The following TRAF7 variants were observed in gnomAD, a reference collection of about 807,000 sequenced individuals.
The protein encoded by TRAF7 is E3 ubiquitin-protein ligase TRAF7.
A neutral mutation model predicts 89.3 loss-of-function variants in TRAF7; 45 were observed. The ratio of observed to expected loss-of-function variants is 0.50; its 90% CI spans 0.40 to 0.65. The LOEUF is 0.65. Among genes scored for constraint, TRAF7 ranks in the 30% least tolerant of loss-of-function variants. TRAF7 has a pLI of 0.00. For missense variants in TRAF7, 677 were observed against 918.1 expected (o/e 0.74, Z 3.39); for synonymous variants, 406 against 369.2 (o/e 1.10, Z -1.14).
intron 15 of TRAF7, 36 bp from the exon 16 acceptor site, chr16:2,175,265 T>C (rs746299820): frequency 6.2e-7 from 1 of 1,611,274 alleles, no homozygotes; most frequent in South Asian, 1.1e-5. Context: ...GTGGCAGGGC[T>C]TGGTGCCCTG....
At position 2,172,619 on chromosome 16, in the gene TRAF7, G is replaced by C; in HGVS notation, c.794+20G>C. ...GTACGGGTGAGTGGGGGGCGGGCGG[G>C]GGTGGGCCGGGGTGGGCGCAGGCCC... On this transcript the variant is annotated intron_variant, in intron 9 of 20. Coordinates refer to ENST00000326181, the MANE Select transcript of TRAF7 (RefSeq NM_032271.3). The C allele has an allele frequency of 7.4e-6, 10 of 1,354,804 alleles. No individual in the cohort carries two copies. Among genetic ancestry groups the C allele is most frequent in the Non-Finnish European group, 1.0e-5 (10 of 975,590 alleles). 83.9% of individuals were successfully genotyped at this position (1,354,804 alleles called of 1,614,324 possible). A position where few individuals can be genotyped will look rare whatever the true frequency, so the allele number is the denominator to read the frequency against.
rs1290697399 is a variant in TRAF7, at chr16:2,173,510, A to G, written c.1042A>G (p.Ser348Gly). 1 of 1,613,394 alleles carries G rather than the reference A, an allele frequency of 6.2e-7. No homozygotes were observed. The highest frequency in any genetic ancestry group is 8.5e-7 in the Non-Finnish European group (1 of 1,179,926). The change falls in exon 11 of 21, where the codon AGC (serine) becomes GGC (glycine). Residue 348 changes from serine (S) to glycine (G), a missense_variant. Ser to Gly is a moderately conservative substitution (Grantham distance 56, BLOSUM62 0). Transcript: ENST00000326181. ...CCTGGACGAAAACCAGAGCAAGCTC[A>G]GCGAGGACCTCATGGAGTTCCGGCG... Reference protein sequence around the residue: ...DVLDENQSKLSEDLMEFRRDA... With the variant: ...DVLDENQSKLGEDLMEFRRDA...
intron 1 of TRAF7, among the ~76,000 whole-genome samples, chr16:2,156,131 C>T (rs991331327): frequency 6.6e-6 from 1 of 152,140 alleles, no homozygotes; most frequent in Non-Finnish European, 1.5e-5. Flanking sequence ...CCCGAGACTC[C>T]CGGGTGCCAG....
At chr16:2,174,882 A>G (rs993384082) in intron 14 of TRAF7, among the ~76,000 whole-genome samples, 1 of 152,178 alleles carries the variant, frequency 6.6e-6, no homozygotes, top group African/African-American at 2.4e-5. Context: ...ATTACCTCCC[A>G]GCTCGCTGTC....
intron 7 of TRAF7, 26 bp downstream of exon 7, chr16:2,171,631 T>C (rs1242208009): frequency 6.2e-7 from 1 of 1,613,074 alleles, no homozygotes; most frequent in Non-Finnish European, 8.5e-7. Context: ...GGCCCAGGCC[T>C]GACGCCGACC....
intron 3 of TRAF7, among the ~76,000 whole-genome samples, chr16:2,167,712 G>C (rs1458697433): frequency 4.6e-5 from 7 of 152,226 alleles, no homozygotes; most frequent in Non-Finnish European, 8.8e-5. Flanking sequence ...GCGGCCTTCA[G>C]AGTGATGGCT....
At position 2,159,845 on chromosome 16, in the gene TRAF7, G is replaced by C. The variant is rs1308215234; in HGVS notation, c.-39+3987G>C. Among the ~76,000 whole-genome samples the C allele has an allele frequency of 6.6e-6, 1 of 152,248 alleles. No homozygotes were observed. Among genetic ancestry groups the C allele is most frequent in the Non-Finnish European group, 1.5e-5 (1 of 68,030 alleles). ...TTTAAGGCCGGGCCTGGCCCGAGCA[G>C]GGAGCTGCATCTGGAAGCCCCCATC... On this transcript the variant is annotated intron_variant, in intron 1 of 20. Coordinates refer to ENST00000326181, the MANE Select transcript of TRAF7 (RefSeq NM_032271.3). The surrounding 1 kb of genome is among the most constrained non-coding windows in gnomAD (Gnocchi z 6.5).
At position 2,159,801 on chromosome 16, in the gene TRAF7, G is replaced by T; in HGVS notation, c.-39+3943G>T. On this transcript the variant is annotated intron_variant, in intron 1 of 20. Transcript: ENST00000326181. This position sits in a 1 kb window ranked among gnomAD's most constrained non-coding sequence, Gnocchi z 6.5. ...GGGACCCCCACACCCCACCTGCTCC[G>T]GGTTGCTGGAGGAGCTGCTTTAAGG... Among the ~76,000 whole-genome samples the T allele has an allele frequency of 6.6e-6, 1 of 152,352 alleles. No individual in the cohort carries two copies. Among genetic ancestry groups the T allele is most frequent in the South Asian group, 2.1e-4 (1 of 4,832 alleles).
rs1188110300 is a variant in TRAF7, at chr16:2,163,966, C to G, written c.46C>G (p.Pro16Ala). 6.2e-7 allele frequency: 1 copy of G among 1,612,688 alleles called. No individual in the cohort carries two copies. Among genetic ancestry groups the G allele is most frequent in the Non-Finnish European group, 8.5e-7 (1 of 1,179,756 alleles). Residue 16 changes from proline to alanine, a missense_variant, in exon 2 of 21, where the codon CCC becomes GCC. Pro to Ala is a conservative substitution (Grantham distance 27). This residue lies in a region of TRAF7 where 240 missense variants were observed against 191.9 expected (regional missense o/e 1.25). Transcript: ENST00000326181. The surrounding 1 kb of genome is among the most constrained non-coding windows in gnomAD (Gnocchi z 4.3). ...SARYNRFSGG[P>A]SNLPTPDVTT... ...CCGCTACAACCGCTTCTCCGGGGGGCCCAGCAATCTTCCCACCCCAGACGT... is the reference window on the plus strand; with the variant it reads ...CCGCTACAACCGCTTCTCCGGGGGGGCCAGCAATCTTCCCACCCCAGACGT...
chr16:2,165,785 C>A (rs959712729), intron 2 of TRAF7, 94 bp from the exon 3 acceptor site: 5 of 1,455,030 alleles, frequency 3.4e-6, no homozygotes, highest in African/African-American at 1.4e-5. Flanking sequence ...CGTGGCCTGG[C>A]CTGGTCGCGT....
At position 2,168,100 on chromosome 16, in the gene TRAF7, C is replaced by G; in HGVS notation, c.163C>G (p.Gln55Glu). The G allele has an allele frequency of 1.9e-6, 3 of 1,612,126 alleles. No individual in the cohort carries two copies. Among genetic ancestry groups the G allele is most frequent in the Non-Finnish European group, 2.5e-6 (3 of 1,179,898 alleles). ...TKADGTSTYKQHCRTPSSSST... is the reference protein window; with the variant it reads ...TKADGTSTYKEHCRTPSSSST... ...AGCTGACGGGACCAGCACCTACAAG[C>G]AGCACTGCAGGACACCCTCCTCCTC... is the stretch of plus-strand genomic sequence containing the variant. The change falls in exon 4 of 21, where the codon CAG (glutamine) becomes GAG (glutamate). Residue 55 changes from glutamine to glutamate, a missense_variant. Coordinates refer to ENST00000326181, the MANE Select transcript of TRAF7 (RefSeq NM_032271.3). The surrounding 1 kb of genome is among the most constrained non-coding windows in gnomAD (Gnocchi z 4.1).
chr16:2,170,410 C>G (rs1041974866), intron 4 of TRAF7, among the ~76,000 whole-genome samples: 1 of 152,240 alleles, frequency 6.6e-6, no homozygotes, highest in African/African-American at 2.4e-5. Flanking sequence ...CGGCCCAGGC[C>G]GCCCAGGCGG....
intron 14 of TRAF7, among the ~76,000 whole-genome samples, chr16:2,174,561 C>CCTCCCAGCAGAACCTTCCAG (rs1234819929): frequency 6.6e-6 from 1 of 152,174 alleles, no homozygotes; most frequent in Non-Finnish European, 1.5e-5. Context: ...GCGCAGCCAG[C>CCTCCCAGCAGAACCTTCCAG]CTCCCAGCAG....
chr16:2,173,859 T>TGGGGGGCCCCCCC, intron 12 of TRAF7, 23 bp downstream of exon 12: 17 of 1,246,152 alleles, frequency 1.4e-5, no homozygotes, highest in Non-Finnish European at 1.8e-5. Context: ...CCGCCGTGGC[T>TGGGGGGCCCCCCC]CCCGCCCACC....
rs1363702063 is a variant in TRAF7, at chr16:2,177,252, C to T, written c.*678C>T. The T allele has an allele frequency of 2.5e-5, 6 of 241,124 alleles. No homozygotes were observed. In the Admixed American group the frequency reaches 3.0e-4, roughly 12 times the overall value. The allele number at this position is 241,124 out of a possible 1,614,324, so 14.9% of individuals were successfully genotyped here. A position where few individuals can be genotyped will look rare whatever the true frequency, so the allele number is the denominator to read the frequency against. On this transcript the variant is annotated 3_prime_UTR_variant, in exon 21 of 21. Transcript: ENST00000326181. ...ACCTCCCCTGCCCACCTGCTGGAGC[C>T]CAGCCTGTGCCGCCCTCTGAGGAGA...
rs1186143091 is a variant in TRAF7 at position 2,168,940 on chromosome 16, G to A, written c.231+772G>A. On this transcript the variant is annotated intron_variant, in intron 4 of 20. Coordinates refer to ENST00000326181, the MANE Select transcript of TRAF7 (RefSeq NM_032271.3). The surrounding 1 kb of genome is among the most constrained non-coding windows in gnomAD (Gnocchi z 4.1). ...TCTCTCCAGTGCTTGGACACCAGGT[G>A]TGGCGGCCCTGCTGGCCCTCTTGGG... is the stretch of plus-strand genomic sequence containing the variant. Among the ~76,000 whole-genome samples, 1 of 152,180 alleles carries A rather than the reference G, an allele frequency of 6.6e-6. No homozygotes were observed. The highest frequency in any genetic ancestry group is 1.5e-5 in the Non-Finnish European group (1 of 68,024).
chr16:2,164,075 C>T lies in TRAF7; in HGVS notation c.81+74C>T, dbSNP rs1338777044. ...TGCCCCAGGGATCTGGTGTTGCCTGCAGAGCTCCCAGCGCAGTCCCGTCCC... is the reference window on the plus strand; with the variant it reads ...TGCCCCAGGGATCTGGTGTTGCCTGTAGAGCTCCCAGCGCAGTCCCGTCCC... On this transcript the variant is annotated intron_variant, in intron 2 of 20. Coordinates refer to ENST00000326181, the MANE Select transcript of TRAF7 (RefSeq NM_032271.3). 10 of 1,388,130 alleles carry T rather than the reference C, an allele frequency of 7.2e-6. 1 individual carries two copies. The East Asian group carries it at 2.5e-4, about 34-fold the overall frequency. 86.0% of individuals were successfully genotyped at this position (1,388,130 alleles called of 1,614,324 possible).
At position 2,175,043 on chromosome 16, in the gene TRAF7, C is replaced by T. The variant is rs375222786; in HGVS notation, c.1347-68C>T. ...CCTGATGGCTGGCATGGACCTCGGG[C>T]CCTGCCAGGGCGGTGTCAGCATGGA... On this transcript the variant is annotated intron_variant, in intron 14 of 20. Transcript: ENST00000326181. The T allele has an allele frequency of 6.2e-6, 10 of 1,603,548 alleles. No homozygotes were observed. The African/African-American group carries it at 9.4e-5, about 15-fold the overall frequency.
rs554034613 is a variant in TRAF7 at position 2,167,645 on chromosome 16, T to C, written c.140-432T>C. On this transcript the variant is annotated intron_variant, in intron 3 of 20. Transcript: ENST00000326181. The stretch of plus-strand genomic sequence containing the variant: ...CTGTGAGTGGAGGCTGTCAGGGAAC[T>C]CACCTGGCAGAGGTGCCTCAAGAGG... Among the ~76,000 whole-genome samples, 20 of 152,266 alleles carry C rather than the reference T, an allele frequency of 1.3e-4. 1 individual carries two copies.
Sources: gnomAD v4.1 joint callset for allele counts (sites outside exome capture counted in the v4.1 genomes callset) on GRCh38, gnomAD v4.1.1 for gene constraint, gnomAD v4.1.1 regional missense constraint, Gnocchi (gnomAD v3.1) non-coding constraint, MANE v1.5 for transcripts, NCBI Gene and HGNC (gene_info 2026-07-23, HGNC 2026-07-21) for gene names.